Variants in CEP55 observed in about 807,000 individuals in gnomAD.
The protein encoded by CEP55 is centrosomal protein 55.
A neutral mutation model predicts 63.2 loss-of-function variants in CEP55; 57 were observed. The observed-to-expected ratio is 0.90, with a 90% CI of 0.73 to 1.13. The LOEUF (loss-of-function observed/expected upper bound fraction) is 1.13, where lower values mean the gene tolerates loss of function less well. CEP55 is among the 50% of genes most tolerant of loss of function. The pLI is 0.00. For missense variants in CEP55, 456 were observed against 518.9 expected (o/e 0.88, Z 1.18); for synonymous variants, 178 against 191.6 (o/e 0.93, Z 0.59).
chr10:93,515,455 C>T lies in CEP55; in HGVS notation c.579C>T (p.Val193=), dbSNP rs765396104. ...QWLVYDQQRE[V]YVKGLLAKIF... Reference sequence around the variant, plus strand: ...TCGTGTATGATCAGCAGCGGGAAGTCTATGTAAAAGGACTTTTAGCAAAGA... The same window carrying T: ...TCGTGTATGATCAGCAGCGGGAAGTTTATGTAAAAGGACTTTTAGCAAAGA... The change falls in exon 5 of 9, where the codon GTC becomes GTT. Residue 193 remains valine, a synonymous_variant. Transcript: ENST00000371485. 6.2e-7 allele frequency: 1 copy of T among 1,613,292 alleles called. No homozygotes were observed. Among genetic ancestry groups the T allele is most frequent in the South Asian group, 1.1e-5 (1 of 91,050 alleles).
At chr10:93,518,850 A>G in intron 6 of CEP55, 27 bp from the exon 7 acceptor site, 3 of 1,536,872 alleles carry the variant, frequency 2.0e-6, no homozygotes, top group Non-Finnish European at 2.7e-6. Context: ...TGGATGTGAC[A>G]GCATTGGTTC....
intron 3 of CEP55, among the ~76,000 whole-genome samples, chr10:93,506,749 T>C (rs2057693011): frequency 6.6e-6 from 1 of 152,140 alleles, no homozygotes; most frequent in African/African-American, 2.4e-5. Context: ...TCTTTTTGTA[T>C]TTTTAGTAGA....
intron 3 of CEP55, among the ~76,000 whole-genome samples, chr10:93,505,011 C>T (rs941594451): frequency 1.3e-5 from 2 of 151,938 alleles, no homozygotes; most frequent in African/African-American, 2.4e-5. Flanking sequence ...GGGGTTTCAA[C>T]ATGTTGGCCA....
At chr10:93,501,227 G>C (rs965166885) in intron 2 of CEP55, among the ~76,000 whole-genome samples, 3 of 152,108 alleles carry the variant, frequency 2.0e-5, no homozygotes, top group Non-Finnish European at 4.4e-5. Context: ...TTTACACTCT[G>C]TTCAACTATA....
At chr10:93,502,272 G>A (rs1357738781) in intron 2 of CEP55, among the ~76,000 whole-genome samples, 3 of 152,240 alleles carry the variant, frequency 2.0e-5, no homozygotes, top group East Asian at 3.9e-4. Context: ...CTCCATTAAA[G>A]CCTAAAATTG....
Position 93,507,056 on chromosome 10 carries a change from TG to T in CEP55, c.528+1del. ...ATGAAATGGAAATACAGCTGAAAGA[TG>T]TAAGTTCATTTCCTTTTAAGTTATG... On this transcript the variant is annotated splice_donor_variant, in intron 4 of 8. Coordinates refer to ENST00000371485, the MANE Select transcript of CEP55 (RefSeq NM_018131.5). LOFTEE classifies it high-confidence loss of function. The T allele has an allele frequency of 6.6e-7, 1 of 1,522,740 alleles. No homozygotes were observed. The highest frequency in any genetic ancestry group is 9.1e-7 in the Non-Finnish European group (1 of 1,099,692). The allele number at this position is 1,522,740 out of a possible 1,614,324, so 94.3% of individuals were successfully genotyped here.
Position 93,528,624 on chromosome 10 carries a change from A to AT in CEP55, c.*481dup, listed in dbSNP as rs140828289. On this transcript the variant is annotated 3_prime_UTR_variant, in exon 9 of 9. Coordinates refer to ENST00000371485, the MANE Select transcript of CEP55 (RefSeq NM_018131.5). ...TTGTTAAGAGGTGGTGATAGATACT[A>AT]TTTTTTTTTTCATATTGTATAGCGG... 138 of 155,596 alleles carry AT rather than the reference A, an allele frequency of 8.9e-4. No individual in the cohort carries two copies. The highest frequency in any genetic ancestry group is 3.4e-3 in the Middle Eastern group (1 of 294). 9.6% of individuals were successfully genotyped at this position (155,596 alleles called of 1,614,324 possible).
At chr10:93,514,129 T>C (rs1217419975) in intron 4 of CEP55, among the ~76,000 whole-genome samples, 1 of 152,072 alleles carries the variant, frequency 6.6e-6, no homozygotes, top group Non-Finnish European at 1.5e-5. Context: ...GACAGGGTTT[T>C]GCCATGTTGG....
intron 4 of CEP55, among the ~76,000 whole-genome samples, chr10:93,509,729 AC>A (rs2057725280): frequency 6.6e-6 from 1 of 151,934 alleles, no homozygotes; most frequent in African/African-American, 2.4e-5. Flanking sequence ...CAGATGACCC[AC>A]CTGCCTCAGC....
Position 93,528,175 on chromosome 10 carries a change from T to C in CEP55, c.*22T>C. 6.3e-7 allele frequency: 1 copy of C among 1,585,474 alleles called. No individual in the cohort carries two copies. Among genetic ancestry groups the C allele is most frequent in the Non-Finnish European group, 8.7e-7 (1 of 1,154,710 alleles). On this transcript the variant is annotated 3_prime_UTR_variant, in exon 9 of 9. Transcript: ENST00000371485. ...GTAGCAAAATAAGTATTTGTTTTGATATTAAAAGATTCAATACTGTATTTT... is the reference window on the plus strand; with the variant it reads ...GTAGCAAAATAAGTATTTGTTTTGACATTAAAAGATTCAATACTGTATTTT...
intron 3 of CEP55, among the ~76,000 whole-genome samples, chr10:93,504,338 C>T (rs919159276): frequency 3.3e-5 from 5 of 151,900 alleles, no homozygotes; most frequent in Admixed American, 2.0e-4. Context: ...CCGAGTGTGA[C>T]GGCACGCATC....
Position 93,528,882 on chromosome 10 carries a change from TG to T in CEP55, c.*730del, listed in dbSNP as rs1307667579. 6.6e-6 allele frequency: 1 copy of T among 152,236 alleles called. No homozygotes were observed. Among genetic ancestry groups the T allele is most frequent in the Non-Finnish European group, 1.5e-5 (1 of 68,036 alleles). The allele number at this position is 152,236 out of a possible 1,614,324, so 9.4% of individuals were successfully genotyped here. A position where few individuals can be genotyped will look rare whatever the true frequency, so the allele number is the denominator to read the frequency against. On this transcript the variant is annotated 3_prime_UTR_variant, in exon 9 of 9. Transcript: ENST00000371485. ...GTTAAAATAAACTTTAATAAACCCATGTAGCCCTCTCATTTGATTGACAGTA... is the reference window on the plus strand; with the variant it reads ...GTTAAAATAAACTTTAATAAACCCATTAGCCCTCTCATTTGATTGACAGTA...
chr10:93,509,365 C>G (rs925329575), intron 4 of CEP55, among the ~76,000 whole-genome samples: 1 of 152,098 alleles, frequency 6.6e-6, no homozygotes, highest in African/African-American at 2.4e-5. Context: ...TTCACAGACT[C>G]TAATATACTA....
chr10:93,508,580 G>A (rs889724403), intron 4 of CEP55, among the ~76,000 whole-genome samples: 1 of 152,122 alleles, frequency 6.6e-6, no homozygotes, highest in Admixed American at 6.5e-5. Flanking sequence ...CACATATTTA[G>A]AAATATCTTA....
chr10:93,496,667 C>A lies in CEP55; in HGVS notation c.-269C>A, dbSNP rs1009708318. On this transcript the variant is annotated 5_prime_UTR_variant, in exon 1 of 9. Coordinates refer to ENST00000371485, the MANE Select transcript of CEP55 (RefSeq NM_018131.5). ...GGTGTGACTCGGCCGACGCGAGCGC[C>A]GCGCTTCGCTTCAGCTGCTAGCTGG... The A allele has an allele frequency of 2.6e-5, 4 of 152,246 alleles. No homozygotes were observed. The highest frequency in any genetic ancestry group is 7.2e-5 in the African/African-American group (3 of 41,468). 9.4% of individuals were successfully genotyped at this position (152,246 alleles called of 1,614,324 possible).
rs368133326 is a variant in CEP55, at chr10:93,518,123, C to CTATAA, written c.994-753_994-749dup. Reference sequence around the variant, plus strand: ...GGTGATGGGACAGTAACAAGTCCATCTATAACATTTGCCATCTTAGTCTTT... The same window carrying CTATAA: ...GGTGATGGGACAGTAACAAGTCCATCTATAATATAACATTTGCCATCTTAGTCTTT... On this transcript the variant is annotated intron_variant, in intron 6 of 8. Coordinates refer to ENST00000371485, the MANE Select transcript of CEP55 (RefSeq NM_018131.5). Among the ~76,000 whole-genome samples, 912 of 150,776 alleles carry CTATAA rather than the reference C, an allele frequency of 6.0e-3. 13 individuals are homozygous for CTATAA. Among genetic ancestry groups the CTATAA allele is most frequent in the African/African-American group, 0.021 (874 of 41,092 alleles).
chr10:93,503,314 A>AAAC lies in CEP55; in HGVS notation c.390_392dup (p.Gln131dup). On this transcript the variant is annotated inframe_insertion, in exon 3 of 9. Transcript: ENST00000371485. ...CTTATCTGAAGAGAAAGACGTATTG[A>AAAC]AACAACAGTTGTCTGCTGCAACCTC... 7 of 1,614,218 alleles carry AAAC rather than the reference A, an allele frequency of 4.3e-6. No individual in the cohort carries two copies. The highest frequency in any genetic ancestry group is 5.9e-6 in the Non-Finnish European group (7 of 1,180,044).
chr10:93,528,352 CA>C lies in CEP55; in HGVS notation c.*200del, dbSNP rs1201850719. 3.4e-6 allele frequency: 2 copies of C among 584,876 alleles called. No homozygotes were observed. Among genetic ancestry groups the C allele is most frequent in the African/African-American group, 3.7e-5 (2 of 53,430 alleles). The allele number at this position is 584,876 out of a possible 1,614,324, so 36.2% of individuals were successfully genotyped here. A position where few individuals can be genotyped will look rare whatever the true frequency, so the allele number is the denominator to read the frequency against. The stretch of plus-strand genomic sequence containing the variant: ...GTGATACCTCCCTGACATGGTTCAT[CA>C]TCAGGCTGCAATGACAGAATGTGGT... On this transcript the variant is annotated 3_prime_UTR_variant, in exon 9 of 9. Transcript: ENST00000371485.
intron 4 of CEP55, among the ~76,000 whole-genome samples, chr10:93,507,583 C>T (rs1436695770): frequency 6.6e-6 from 1 of 152,104 alleles, no homozygotes; most frequent in Non-Finnish European, 1.5e-5. Flanking sequence ...ACCTCAATAA[C>T]ATCCCTTTTC....
Sources: gnomAD v4.1 joint callset for allele counts (sites outside exome capture counted in the v4.1 genomes callset) on GRCh38, gnomAD v4.1.1 for gene constraint, MANE v1.5 for transcripts, NCBI Gene and HGNC (gene_info 2026-07-23, HGNC 2026-07-21) for gene names.